The following ADK variants were observed in gnomAD, a reference collection of about 807,000 sequenced individuals.
ADK encodes the protein N6,N6-dimethyladenosine kinase.
A neutral mutation model predicts 44.7 loss-of-function variants in ADK; 24 were observed. That is an observed-to-expected ratio of 0.54 (90% CI 0.39 to 0.76). The LOEUF is 0.76. Among genes scored for constraint, ADK ranks in the 30% least tolerant of loss-of-function variants. ADK has a pLI of 0.00. For missense variants in ADK, 321 were observed against 425.1 expected, an observed-to-expected ratio of 0.76 and a Z score of 2.15; for synonymous variants, 128 against 142.6, an observed-to-expected ratio of 0.90 and a Z score of 0.73.
At position 74,682,575 on chromosome 10, in the gene ADK, C is replaced by CT. The variant is rs11298231; in HGVS notation, c.964+12322dup. 2.3e-3 allele frequency among the ~76,000 whole-genome samples: 311 copies of CT among 133,018 alleles called. 3 individuals carry two copies. The East Asian group carries it at 0.033, about 14-fold the overall frequency. The allele number at this position is 133,018 out of a possible 152,430, so 87.3% of individuals were successfully genotyped here. A position where few individuals can be genotyped will look rare whatever the true frequency, so the allele number is the denominator to read the frequency against. On this transcript the variant is annotated intron_variant, in intron 10 of 10. Transcript: ENST00000539909. Reference sequence around the variant, plus strand: ...CTTTAGTTTTCTTTTCTTTTCTTTTCTTTTTTTTTTTTTTTTGAGACGGAG... The same window carrying CT: ...CTTTAGTTTTCTTTTCTTTTCTTTTCTTTTTTTTTTTTTTTTTGAGACGGAG...
intron 7 of ADK, among the ~76,000 whole-genome samples, chr10:74,559,965 C>T (rs772239621): frequency 3.3e-5 from 5 of 151,120 alleles, no homozygotes; most frequent in Non-Finnish European, 7.4e-5. Context: ...CTTGCTTTGT[C>T]GTGCAGGCTG....
chr10:74,571,536 G>A lies in ADK; in HGVS notation c.727-17746G>A, dbSNP rs1404865555. Among the ~76,000 whole-genome samples, 3 of 152,098 alleles carry A rather than the reference G, an allele frequency of 2.0e-5. No individual in the cohort carries two copies. The East Asian group carries it at 5.8e-4, about 29-fold the overall frequency. ...TCTTGGGAGGGTGTATGTGTCGAGG[G>A]ATTTATTCATTTCTTCTAGATTTTC... On this transcript the variant is annotated intron_variant, in intron 7 of 10. Coordinates refer to ENST00000539909, the MANE Select transcript of ADK (RefSeq NM_006721.4).
At chr10:74,638,164 TTTA>T (rs2134088164) in intron 9 of ADK, among the ~76,000 whole-genome samples, 1 of 152,348 alleles carries the variant, frequency 6.6e-6, no homozygotes, top group South Asian at 2.1e-4. Context: ...TGTAATACAC[TTTA>T]TTAAGATATA....
chr10:74,272,654 T>C (rs901881177), intron 3 of ADK, among the ~76,000 whole-genome samples: 3 of 152,276 alleles, frequency 2.0e-5, no homozygotes, highest in Non-Finnish European at 2.9e-5. Flanking sequence ...AATAGTGATA[T>C]TGTATTGCTC....
intron 6 of ADK, among the ~76,000 whole-genome samples, chr10:74,416,325 T>G (rs1844373787): frequency 6.6e-6 from 1 of 152,060 alleles, no homozygotes; most frequent in African/African-American, 2.4e-5. Context: ...CTTTTGACTC[T>G]AACCTCTTAA....
chr10:74,612,333 G>C (rs1377963250), intron 9 of ADK, among the ~76,000 whole-genome samples: 1 of 151,988 alleles, frequency 6.6e-6, no homozygotes, highest in African/African-American at 2.4e-5. Context: ...TGCTCAGGCT[G>C]GTCTCATACT....
At chr10:74,662,911 T>G (rs1303354770) in intron 9 of ADK, among the ~76,000 whole-genome samples, 3 of 152,154 alleles carry the variant, frequency 2.0e-5, no homozygotes, top group Admixed American at 6.6e-5. Context: ...CATCCTGTTT[T>G]ATTTTCTGTA....
At chr10:74,446,210 GA>G (rs1487110236) in intron 6 of ADK, among the ~76,000 whole-genome samples, 1 of 151,910 alleles carries the variant, frequency 6.6e-6, no homozygotes, top group Non-Finnish European at 1.5e-5. Flanking sequence ...TGTTGGAGGA[GA>G]GGGGGCAATC....
intron 6 of ADK, among the ~76,000 whole-genome samples, chr10:74,490,617 T>C (rs949810140): frequency 1.3e-5 from 2 of 152,100 alleles, no homozygotes. Flanking sequence ...AGAAAAAAAC[T>C]TTTTGAACCC....
chr10:74,587,064 C>T (rs1019448263), intron 7 of ADK, among the ~76,000 whole-genome samples: 3 of 152,062 alleles, frequency 2.0e-5, no homozygotes, highest in Non-Finnish European at 2.9e-5. Context: ...TGAACTTTGT[C>T]TTACAGTCCC....
At chr10:74,663,293 T>C (rs1403183312) in intron 9 of ADK, among the ~76,000 whole-genome samples, 2 of 150,986 alleles carry the variant, frequency 1.3e-5, no homozygotes, top group Non-Finnish European at 2.9e-5. Context: ...CTTGTTTATA[T>C]ATTTGTTACT....
intron 4 of ADK, among the ~76,000 whole-genome samples, chr10:74,364,939 G>C (rs1475424342): frequency 1.3e-5 from 2 of 151,884 alleles, no homozygotes; most frequent in African/African-American, 4.8e-5. Context: ...TTAGATTACA[G>C]GACAATTTTC....
At chr10:74,571,968 C>T (rs981100676) in intron 7 of ADK, among the ~76,000 whole-genome samples, 47 of 152,210 alleles carry the variant, frequency 3.1e-4, no homozygotes, top group Non-Finnish European at 4.9e-4. Flanking sequence ...GTTTGCCAGT[C>T]GGTGTCTTTT....
At chr10:74,506,395 G>C in intron 6 of ADK, 1 of 221,792 alleles carries the variant, frequency 4.5e-6, no homozygotes, top group Non-Finnish European at 8.9e-6. Flanking sequence ...AGCACTTCCA[G>C]CATCACTAGT....
At chr10:74,435,174 G>A (rs2133104178) in intron 6 of ADK, among the ~76,000 whole-genome samples, 1 of 152,324 alleles carries the variant, frequency 6.6e-6, no homozygotes, top group South Asian at 2.1e-4. Flanking sequence ...TGATAGAACA[G>A]AAGACTGATA....
At chr10:74,576,445 T>A (rs1589264314) in intron 7 of ADK, among the ~76,000 whole-genome samples, 1 of 152,234 alleles carries the variant, frequency 6.6e-6, no homozygotes, top group East Asian at 1.9e-4. Context: ...GGAGTTAAAA[T>A]TAAATCTCTG....
At chr10:74,625,956 A>G (rs1853186370) in intron 9 of ADK, among the ~76,000 whole-genome samples, 1 of 152,162 alleles carries the variant, frequency 6.6e-6, no homozygotes, top group African/African-American at 2.4e-5. Context: ...TAAATAAATA[A>G]ATCAACTAGT....
intron 8 of ADK, among the ~76,000 whole-genome samples, chr10:74,595,884 C>G (rs769235165): frequency 6.7e-6 from 1 of 150,326 alleles, no homozygotes; most frequent in African/African-American, 2.4e-5. Flanking sequence ...GTAATCCCAG[C>G]TACTCAGAAG....
chr10:74,668,752 G>C (rs1440942430), intron 9 of ADK, among the ~76,000 whole-genome samples: 1 of 151,806 alleles, frequency 6.6e-6, no homozygotes, highest in Non-Finnish European at 1.5e-5. Flanking sequence ...AAAAGTTTAA[G>C]CCAGATGCAG....
Sources: gnomAD v4.1 joint callset for allele counts (sites outside exome capture counted in the v4.1 genomes callset) on GRCh38, gnomAD v4.1.1 for gene constraint, MANE v1.5 for transcripts, NCBI Gene and HGNC (gene_info 2026-07-23, HGNC 2026-07-21) for gene names.